VPS53: variants seen among roughly 807,000 people sequenced by gnomAD.
VPS53 encodes VPS53 subunit of GARP complex.
VPS53 carries 70 observed loss-of-function variants against 107.0 expected under a neutral mutation model. The ratio of observed to expected loss-of-function variants is 0.65; its 90% CI spans 0.54 to 0.80. The LOEUF (loss-of-function observed/expected upper bound fraction) is 0.80, where lower values mean the gene tolerates loss of function less well. VPS53 is among the 30% of genes least tolerant of loss of function. The probability of loss-of-function intolerance (pLI) is 0.00; values close to 1 mark genes in which losing one functional copy is unlikely to be tolerated. For synonymous variants in VPS53, 409 were observed against 393.3 expected (o/e 1.04, Z -0.47); for missense variants, 917 against 1,049.4 (o/e 0.87, Z 1.74).
Position 627,166 on chromosome 17 carries a change from G to A in VPS53, c.974+8C>T. ...TAACCACAGAACCAGTAGAGAACTG[G>A]CATCTACCTTGTCACATGGCAAAAT... On this transcript the variant is annotated splice_region_variant and intron_variant, in intron 10 of 21. Coordinates refer to ENST00000437048, the MANE Select transcript of VPS53 (RefSeq NM_001128159.3). 1 of 1,611,572 alleles carries A rather than the reference G, an allele frequency of 6.2e-7. No homozygotes were observed. Among genetic ancestry groups the A allele is most frequent in the Middle Eastern group, 1.7e-4 (1 of 6,046 alleles).
At position 680,879 on chromosome 17, in the gene VPS53, C is replaced by T. The variant is rs181048789; in HGVS notation, c.285+16539G>A. Among the ~76,000 whole-genome samples the T allele has an allele frequency of 3.0e-3, 462 of 152,302 alleles. 2 individuals carry two copies. Among genetic ancestry groups the T allele is most frequent in the African/African-American group, 9.5e-3 (395 of 41,574 alleles). The stretch of plus-strand genomic sequence containing the variant: ...CCCACTCTTAGCTGATCCTAAAGAG[C>T]ATTTCTAAAACTTTTTGACCTCAGA... On this transcript the variant is annotated intron_variant, in intron 4 of 21. Coordinates refer to ENST00000437048, the MANE Select transcript of VPS53 (RefSeq NM_001128159.3).
intron 17 of VPS53, among the ~76,000 whole-genome samples, chr17:551,051 C>A (rs1031593662): frequency 1.3e-5 from 2 of 152,004 alleles, no homozygotes; most frequent in African/African-American, 4.8e-5. Context: ...GTGTCAGATA[C>A]TAATCAAAGA....
chr17:661,950 A>G, intron 4 of VPS53, 55 bp from the exon 5 acceptor site: 1 of 1,394,926 alleles, frequency 7.2e-7, no homozygotes. Flanking sequence ...AGCTCCAGTC[A>G]CTAACTGTAA....
intron 6 of VPS53, among the ~76,000 whole-genome samples, chr17:655,267 T>C (rs1028218677): frequency 1.3e-5 from 2 of 152,148 alleles, no homozygotes; most frequent in African/African-American, 4.8e-5. Context: ...CTATTTCTAA[T>C]GTTCTGATGT....
intron 2 of VPS53, among the ~76,000 whole-genome samples, chr17:703,733 C>T (rs749923160): frequency 4.6e-5 from 7 of 151,854 alleles, no homozygotes; most frequent in South Asian, 2.1e-4. Flanking sequence ...AGAATTTTTG[C>T]GTATTGCCTT....
At chr17:611,240 C>T (rs962119236) in intron 11 of VPS53, among the ~76,000 whole-genome samples, 7 of 152,276 alleles carry the variant, frequency 4.6e-5, no homozygotes, top group Admixed American at 1.3e-4. Flanking sequence ...TCTTGAACTC[C>T]TGACCTGAGG....
intron 5 of VPS53, among the ~76,000 whole-genome samples, chr17:659,004 G>A (rs1833459): frequency 0.48 from 73,045 of 150,696 alleles, 19,387 homozygotes; most frequent in Non-Finnish European, 0.59. Flanking sequence ...CTTCTCTCCT[G>A]TAACCTCCAA....
At chr17:587,085 CAG>C (rs1240135254) in intron 12 of VPS53, among the ~76,000 whole-genome samples, 10 of 151,812 alleles carry the variant, frequency 6.6e-5, no homozygotes, top group African/African-American at 1.5e-4. Flanking sequence ...CTTTTTGAGA[CAG>C]AGTCTCCCTC....
chr17:656,539 G>T (rs145709452), intron 5 of VPS53, among the ~76,000 whole-genome samples: 1 of 152,172 alleles, frequency 6.6e-6, no homozygotes, highest in African/African-American at 2.4e-5. Flanking sequence ...TGACAGTGTT[G>T]TTTCAGCAGG....
At chr17:531,272 A>G (rs1260384263) in intron 19 of VPS53, among the ~76,000 whole-genome samples, 5 of 150,974 alleles carry the variant, frequency 3.3e-5, no homozygotes, top group Non-Finnish European at 7.4e-5. Flanking sequence ...TGGGCCTGTC[A>G]AGATCCACAC....
intron 7 of VPS53, among the ~76,000 whole-genome samples, chr17:647,857 G>T (rs574423494): frequency 3.3e-5 from 5 of 152,220 alleles, no homozygotes; most frequent in Non-Finnish European, 7.3e-5. Context: ...AGGACTTCCT[G>T]GTAGGAAGGA....
At chr17:635,656 C>G (rs1970167405) in intron 7 of VPS53, among the ~76,000 whole-genome samples, 2 of 152,152 alleles carry the variant, frequency 1.3e-5, no homozygotes, top group Non-Finnish European at 2.9e-5. Context: ...AATAGGGAAT[C>G]CTTTCCCCAT....
At chr17:685,709 A>G (rs1459476898) in intron 4 of VPS53, among the ~76,000 whole-genome samples, 3 of 152,194 alleles carry the variant, frequency 2.0e-5, no homozygotes, top group African/African-American at 7.2e-5. Flanking sequence ...ATGATTGAGA[A>G]AAATCTGGAA....
intron 17 of VPS53, among the ~76,000 whole-genome samples, chr17:539,553 T>C (rs1439820867): frequency 6.6e-6 from 1 of 152,226 alleles, no homozygotes; most frequent in African/African-American, 2.4e-5. Context: ...CTTTAGTATT[T>C]TTTAAAAATG....
chr17:629,766 A>C (rs887755526), intron 8 of VPS53, among the ~76,000 whole-genome samples: 1 of 150,484 alleles, frequency 6.6e-6, no homozygotes, highest in African/African-American at 2.4e-5. Context: ...CCATCTCAAA[A>C]AAAAGAAAAG....
intron 13 of VPS53, among the ~76,000 whole-genome samples, chr17:570,183 A>G (rs1913904847): frequency 6.6e-6 from 1 of 151,804 alleles, no homozygotes; most frequent in African/African-American, 2.4e-5. Context: ...CCTGACCAAC[A>G]TGGCAAAACC....
chr17:657,969 CGTGGATAGATA>C (rs1971265957), intron 5 of VPS53, among the ~76,000 whole-genome samples: 1 of 145,670 alleles, frequency 6.9e-6, no homozygotes, highest in African/African-American at 2.6e-5. Flanking sequence ...GCAGGGAGTT[CGTGGATAGATA>C]CATCCCACTA....
intron 12 of VPS53, among the ~76,000 whole-genome samples, chr17:587,612 A>G (rs528435223): frequency 6.6e-6 from 1 of 152,308 alleles, no homozygotes; most frequent in South Asian, 2.1e-4. Flanking sequence ...AGTATTTTAA[A>G]ACAATATTTG....
chr17:697,054 T>C (rs576166319), intron 4 of VPS53, among the ~76,000 whole-genome samples: 12 of 152,368 alleles, frequency 7.9e-5, no homozygotes, highest in African/African-American at 2.9e-4. Context: ...CAGGTTACTA[T>C]CTTTTACAGC....
Sources: gnomAD v4.1 joint callset for allele counts (sites outside exome capture counted in the v4.1 genomes callset) on GRCh38, gnomAD v4.1.1 for gene constraint, MANE v1.5 for transcripts, NCBI Gene and HGNC (gene_info 2026-07-23, HGNC 2026-07-21) for gene names.